Variants in EFR3A observed in about 807,000 individuals in gnomAD.
The protein encoded by EFR3A is protein EFR3 homolog A.
In EFR3A, 76 loss-of-function variants were observed where a neutral mutation model predicts 104.4. That is an observed-to-expected ratio of 0.73 (90% CI 0.60 to 0.88). EFR3A has a LOEUF of 0.88. Among genes scored for constraint, EFR3A ranks in the 40% least tolerant of loss-of-function variants. The pLI, the probability that EFR3A is intolerant of heterozygous loss-of-function variation, is 0.00. For missense variants in EFR3A, 985 were observed against 1,012.5 expected (o/e 0.97, Z 0.37); for synonymous variants, 330 against 330.0 (o/e 1.00, Z 0.00).
intron 14 of EFR3A, among the ~76,000 whole-genome samples, chr8:131,979,671 C>T (rs1374857223): frequency 2.6e-5 from 4 of 152,108 alleles, no homozygotes. Context: ...AAAATGTCTT[C>T]CTATAATTCT....
chr8:131,933,420 T>C (rs1184615950), intron 1 of EFR3A, among the ~76,000 whole-genome samples: 1 of 152,112 alleles, frequency 6.6e-6, no homozygotes. Context: ...CGTTGGGTTG[T>C]TTCCTATTTT....
intron 8 of EFR3A, among the ~76,000 whole-genome samples, chr8:131,967,829 C>T (rs1485077068): frequency 6.6e-6 from 1 of 151,580 alleles, no homozygotes; most frequent in Non-Finnish European, 1.5e-5. Context: ...GTTAGGTGTC[C>T]ATGTTAAATA....
rs1408848583 is a variant in EFR3A, at chr8:131,940,574, A to G, written c.86A>G (p.Lys29Arg). Residue 29 changes from lysine to arginine, a missense_variant and splice_region_variant, in exon 2 of 23, where the codon AAA (lysine) becomes AGA (arginine). By Grantham distance (26) the Lys-to-Arg change is conservative. Transcript: ENST00000254624. ...LVDNIFPEDP[K>R]DGLVKTDMEK... ...GACAACATATTCCCTGAAGATCCAA[A>G]AGTAATTTGATCTACATCTACTGAT... is the stretch of plus-strand genomic sequence containing the variant. The G allele has an allele frequency of 8.7e-6, 14 of 1,605,172 alleles. No individual in the cohort carries two copies. Among genetic ancestry groups the G allele is most frequent in the Non-Finnish European group, 1.2e-5 (14 of 1,175,582 alleles).
chr8:131,969,911 C>T (rs1819956640), intron 9 of EFR3A, among the ~76,000 whole-genome samples: 1 of 152,070 alleles, frequency 6.6e-6, no homozygotes, highest in Non-Finnish European at 1.5e-5. Context: ...ATGAAACCCA[C>T]TAATTAAAAT....
intron 22 of EFR3A, among the ~76,000 whole-genome samples, chr8:132,007,785 A>T (rs1822122827): frequency 6.6e-6 from 1 of 151,998 alleles, no homozygotes. Flanking sequence ...AAGATAACAG[A>T]ATGGAGAGTC....
At chr8:131,970,716 C>A in intron 10 of EFR3A, 73 bp downstream of exon 10, 1 of 1,378,518 alleles carries the variant, frequency 7.3e-7, no homozygotes, top group Non-Finnish European at 9.9e-7. Flanking sequence ...AGGTCCTGGA[C>A]TATTATAGTA....
intron 8 of EFR3A, among the ~76,000 whole-genome samples, chr8:131,962,151 CT>C (rs1337228648): frequency 2.6e-5 from 4 of 152,192 alleles, no homozygotes; most frequent in African/African-American, 9.7e-5. Context: ...ACTGCATCAA[CT>C]AACGAGCAAA....
chr8:132,007,351 A>G (rs1326317495), intron 22 of EFR3A, among the ~76,000 whole-genome samples: 1 of 151,928 alleles, frequency 6.6e-6, no homozygotes, highest in Non-Finnish European at 1.5e-5. Flanking sequence ...GTATATCTAT[A>G]TATTAACAAC....
rs546897601 is a variant in EFR3A, at chr8:131,918,905, T to G, written c.10+14583T>G. 4.6e-5 allele frequency among the ~76,000 whole-genome samples: 7 copies of G among 152,342 alleles called. No homozygotes were observed. In the South Asian group the frequency reaches 1.4e-3, roughly 32 times the overall value. On this transcript the variant is annotated intron_variant, in intron 1 of 22. Coordinates refer to ENST00000254624, the MANE Select transcript of EFR3A (RefSeq NM_015137.6). ...AACTCATATCCTATTTGTGAATTAC[T>G]TAGAGGACTTTTAATTAAAGTAACT...
chr8:131,976,055 T>G lies in EFR3A; in HGVS notation c.1188T>G (p.Tyr396Ter). Residue 396 changes from tyrosine to a stop codon, truncating the protein, a stop_gained, in exon 11 of 23, where the codon TAT (tyrosine) becomes TAG (stop). Coordinates refer to ENST00000254624, the MANE Select transcript of EFR3A (RefSeq NM_015137.6). LOFTEE classifies it high-confidence loss of function. ...IGFFGSNLPDYQRSEIMMFIM... is the reference protein window; with the variant it reads ...IGFFGSNLPD ...TTTTTGGAAGTAACCTACCAGATTA[T>G]CAGAGGTCAGAAATCATGATGTTCA... is the stretch of plus-strand genomic sequence containing the variant. 6.2e-7 allele frequency: 1 copy of G among 1,605,770 alleles called. No homozygotes were observed. The highest frequency in any genetic ancestry group is 8.5e-7 in the Non-Finnish European group (1 of 1,175,604).
intron 1 of EFR3A, among the ~76,000 whole-genome samples, chr8:131,931,307 C>T (rs910360763): frequency 4.6e-5 from 7 of 151,964 alleles, no homozygotes; most frequent in Non-Finnish European, 8.8e-5. Flanking sequence ...TAAATACAAA[C>T]AGTAAGAGAA....
At position 131,942,207 on chromosome 8, in the gene EFR3A, A is replaced by G. The variant is rs573042715; in HGVS notation, c.87+1632A>G. On this transcript the variant is annotated intron_variant, in intron 2 of 22. Coordinates refer to ENST00000254624, the MANE Select transcript of EFR3A (RefSeq NM_015137.6). ...ATCCTTATTTTTGCCAAGGATTTAT[A>G]TAAGATTTGTTTAAATAGCAATCTT... Among the ~76,000 whole-genome samples the G allele has an allele frequency of 2.1e-4, 32 of 152,256 alleles. No homozygotes were observed. The South Asian group carries it at 6.6e-3, about 32-fold the overall frequency.
chr8:131,974,995 T>C (rs1820249359), intron 10 of EFR3A, among the ~76,000 whole-genome samples: 1 of 152,242 alleles, frequency 6.6e-6, no homozygotes, highest in Admixed American at 6.5e-5. Flanking sequence ...TTTGATAGTC[T>C]GTTCCAATCT....
intron 8 of EFR3A, among the ~76,000 whole-genome samples, chr8:131,964,574 T>G (rs932284817): frequency 6.6e-6 from 1 of 152,048 alleles, no homozygotes; most frequent in African/African-American, 2.4e-5. Flanking sequence ...AATAAAAGAC[T>G]ATATAAACAA....
intron 1 of EFR3A, among the ~76,000 whole-genome samples, chr8:131,933,892 TTGCAATGTA>T (rs1817742584): frequency 6.6e-6 from 1 of 152,012 alleles, no homozygotes; most frequent in African/African-American, 2.4e-5. Context: ...GAGCAAAGTA[TTGCAATGTA>T]AGGAGAAGAC....
chr8:131,997,441 CT>C (rs774749532), intron 19 of EFR3A, among the ~76,000 whole-genome samples: 2 of 152,022 alleles, frequency 1.3e-5, no homozygotes, highest in Non-Finnish European at 2.9e-5. Flanking sequence ...AGCCAACTGA[CT>C]TATGTTTTCT....
chr8:131,955,224 G>T (rs137895618), intron 6 of EFR3A, among the ~76,000 whole-genome samples: 1 of 151,906 alleles, frequency 6.6e-6, no homozygotes, highest in African/African-American at 2.4e-5. Context: ...TATAATCCCC[G>T]TGCCACATAT....
At chr8:131,948,916 T>C (rs1287782951) in intron 4 of EFR3A, among the ~76,000 whole-genome samples, 1 of 152,140 alleles carries the variant, frequency 6.6e-6, no homozygotes, top group Non-Finnish European at 1.5e-5. Context: ...GTTGACATTT[T>C]CCTCTTCATG....
chr8:131,954,499 C>T (rs1368333700), intron 6 of EFR3A, among the ~76,000 whole-genome samples: 8 of 151,660 alleles, frequency 5.3e-5, no homozygotes, highest in African/African-American at 1.7e-4. Flanking sequence ...CTTATTTTTT[C>T]TTTTTCCTCT....
Sources: allele counts gnomAD v4.1 joint callset (sites outside exome capture counted in the v4.1 genomes callset), GRCh38; gene constraint gnomAD v4.1.1; transcripts MANE v1.5; gene names NCBI Gene and HGNC (gene_info 2026-07-23, HGNC 2026-07-21).